Variants in NLRP14 observed in about 807,000 individuals in gnomAD.
NLRP14 encodes NACHT, LRR and PYD domains-containing protein 14.
In NLRP14, 105 loss-of-function variants were observed where a neutral mutation model predicts 94.7. That is an observed-to-expected ratio of 1.11 (90% CI 0.95 to 1.30). The LOEUF (loss-of-function observed/expected upper bound fraction) is 1.30, where lower values mean the gene tolerates loss of function less well. Ranked by LOEUF, NLRP14 falls within the 50% of genes most tolerant of loss-of-function variation. The pLI is 0.00. For synonymous variants in NLRP14, 508 were observed against 459.9 expected, an observed-to-expected ratio of 1.10 and a Z score of -1.34; for missense variants, 1,362 against 1,254.1, an observed-to-expected ratio of 1.09 and a Z score of -1.30.
chr11:7,039,574 G>A lies in NLRP14; in HGVS notation c.290-140G>A, dbSNP rs1482846756. The stretch of plus-strand genomic sequence containing the variant: ...CTCAGCTAAGCTTATGGAGTCTGAG[G>A]CTCTGGCAGCTCTAGTTTTCTTAAA... On this transcript the variant is annotated intron_variant, in intron 2 of 11. Coordinates refer to ENST00000299481, the MANE Select transcript of NLRP14 (RefSeq NM_176822.4). 7.6e-5 allele frequency: 58 copies of A among 762,702 alleles called. 1 individual carries two copies. Among genetic ancestry groups the A allele is most frequent in the Non-Finnish European group, 1.1e-4 (44 of 418,956 alleles). 47.2% of individuals were successfully genotyped at this position (762,702 alleles called of 1,614,324 possible).
At chr11:7,082,693 C>G in the NLRP14 span, among the ~76,000 whole-genome samples, 1 of 152,172 alleles carries the variant, frequency 6.6e-6, no homozygotes. Context: ...TCCATTTATA[C>G]AAATTTTTCC....
At chr11:7,076,377 A>AT (rs1299564124), downstream of NLRP14, among the ~76,000 whole-genome samples, 16 of 151,986 alleles carry the variant, frequency 1.1e-4, no homozygotes, top group African/African-American at 3.4e-4. Flanking sequence ...TTTCTTTTTA[A>AT]TTTTTTTGTG....
chr11:7,043,755 C>T lies in NLRP14; in HGVS notation c.1729C>T (p.Leu577=), dbSNP rs376252371. ...AAACAGTGACTATTCTCCATCACAG[C>T]TGGGATTTCTGGAGTTGTTTCACTG... ...LGNSDYSPSQ[L]GFLELFHCLY... is the part of the protein sequence containing the mutation. The change falls in exon 4 of 12, where the codon CTG becomes TTG. Residue 577 remains leucine (L), a synonymous_variant. Coordinates refer to ENST00000299481, the MANE Select transcript of NLRP14 (RefSeq NM_176822.4). 1 of 1,614,080 alleles carries T rather than the reference C, an allele frequency of 6.2e-7. No individual in the cohort carries two copies. The highest frequency in any genetic ancestry group is 8.5e-7 in the Non-Finnish European group (1 of 1,179,964).
chr11:7,038,931 G>A (rs1682694772), intron 2 of NLRP14, 56 bp downstream of exon 2: 1 of 1,542,618 alleles, frequency 6.5e-7, no homozygotes, highest in Admixed American at 1.8e-5. Flanking sequence ...GTTTCCTGGA[G>A]CCCAGTGGAA....
rs1270615249 is a variant in NLRP14, at chr11:7,042,929, A to C, written c.903A>C (p.Ala301=). 1 of 1,614,066 alleles carries C rather than the reference A, an allele frequency of 6.2e-7. No homozygotes were observed. The highest frequency in any genetic ancestry group is 8.5e-7 in the Non-Finnish European group (1 of 1,180,022). ...TGAGGAAAGTGATGCTCCCTGAGGC[A>C]TCCTTATTGGTGACAACAAGACTCA... is the stretch of plus-strand genomic sequence containing the variant. The part of the protein sequence containing the change: ...SLLRKVMLPE[A]SLLVTTRLTT... The change falls in exon 4 of 12, where the codon GCA becomes GCC. Residue 301 remains alanine (A), a synonymous_variant. Transcript: ENST00000299481.
chr11:7,046,679 G>T lies in NLRP14; in HGVS notation c.1970G>T (p.Arg657Leu). 2 of 1,613,100 alleles carry T rather than the reference G, an allele frequency of 1.2e-6. No homozygotes were observed. The highest frequency in any genetic ancestry group is 1.7e-6 in the Non-Finnish European group (2 of 1,179,128). ...SLPTNTWDGD[R>L]ITHCWQDLCS... ...TTATTTATGCAAAGGGATGGTGATC[G>T]CATTACTCACTGTTGGCAAGATCTC... is the stretch of plus-strand genomic sequence containing the variant. Residue 657 changes from arginine (R) to leucine (L), a missense_variant, in exon 5 of 12, where the codon CGC becomes CTC. Physicochemically the swap from Arg to Leu is moderately radical, Grantham distance 102. Transcript: ENST00000299481.
At chr11:7,053,835 T>G (rs1251709134) in intron 6 of NLRP14, among the ~76,000 whole-genome samples, 1 of 152,126 alleles carries the variant, frequency 6.6e-6, no homozygotes, top group Admixed American at 6.6e-5. Context: ...TATTTTAAAA[T>G]GTACAATTAT....
chr11:7,080,328 T>C, the NLRP14 span, among the ~76,000 whole-genome samples: 1 of 152,216 alleles, frequency 6.6e-6, no homozygotes, highest in Non-Finnish European at 1.5e-5. Flanking sequence ...GAAAATGATA[T>C]ACTATCTATC....
At chr11:7,090,314 G>A in the NLRP14 span, 3 of 1,577,146 alleles carry the variant, frequency 1.9e-6, no homozygotes, top group African/African-American at 2.7e-5. Context: ...GAACAGACTT[G>A]GGACCAAAAA....
At chr11:7,033,088 A>T (rs768314307) in intron 1 of NLRP14, among the ~76,000 whole-genome samples, 2 of 152,150 alleles carry the variant, frequency 1.3e-5, no homozygotes, top group Non-Finnish European at 2.9e-5. Context: ...TATAGCTTCA[A>T]TCATATGTTT....
rs540751001 is a variant in NLRP14, at chr11:7,060,304, A to T, written c.2804+240A>T. Among the ~76,000 whole-genome samples, 3 of 152,126 alleles carry T rather than the reference A, an allele frequency of 2.0e-5. No homozygotes were observed. In the East Asian group the frequency reaches 5.8e-4, roughly 29 times the overall value. On this transcript the variant is annotated intron_variant, in intron 9 of 11. Transcript: ENST00000299481. ...GAGGACCAGAGGCATCAGGCTGAAC[A>T]GTGGCCATTTTATTCTTTCCTTGGT... is the stretch of plus-strand genomic sequence containing the variant.
At chr11:7,030,788 C>G (rs1050652209) in intron 1 of NLRP14, among the ~76,000 whole-genome samples, 1 of 152,148 alleles carries the variant, frequency 6.6e-6, no homozygotes. Context: ...GTCAGCCAGT[C>G]TGGGAAAGGT....
In NLRP14 at chr11:7,043,622, G is replaced by C; in HGVS notation, c.1596G>C (p.Leu532Phe). The C allele has an allele frequency of 6.2e-7, 1 of 1,614,112 alleles. No individual in the cohort carries two copies. The highest frequency in any genetic ancestry group is 1.1e-5 in the South Asian group (1 of 91,082). Residue 532 changes from leucine to phenylalanine, a missense_variant, in exon 4 of 12, where the codon TTG becomes TTC. Leu to Phe is a conservative substitution (Grantham distance 22, BLOSUM62 0). Coordinates refer to ENST00000299481, the MANE Select transcript of NLRP14 (RefSeq NM_176822.4). ...ATTTGACACAGATGAAGTGCTTTTT[G>C]TTTGGCCTTTTGAATGAAGATCGAG... ...DPHLTQMKCF[L>F]FGLLNEDRVK...
At chr11:7,082,988 C>T in the NLRP14 span, among the ~76,000 whole-genome samples, 1 of 152,222 alleles carries the variant, frequency 6.6e-6, no homozygotes, top group African/African-American at 2.4e-5. Context: ...TCATCACTGC[C>T]TTCAGCACTT....
In NLRP14 at chr11:7,042,436, C is replaced by T. The variant is rs1228465641; in HGVS notation, c.410C>T (p.Thr137Ile). The T allele has an allele frequency of 6.2e-7, 1 of 1,613,928 alleles. No homozygotes were observed. The highest frequency in any genetic ancestry group is 8.5e-7 in the Non-Finnish European group (1 of 1,179,788). The part of the protein sequence containing the change: ...RNRIKEKFCI[T>I]WDKKSLAGKP... ...AGAATAAAGGAAAAATTTTGCATCA[C>T]TTGGGACAAGAAGTCTTTGGCTGGA... The change falls in exon 4 of 12, where the codon ACT (threonine) becomes ATT (isoleucine). Residue 137 changes from threonine to isoleucine, a missense_variant. Coordinates refer to ENST00000299481, the MANE Select transcript of NLRP14 (RefSeq NM_176822.4).
At chr11:7,046,959 A>G (rs915714590) in intron 5 of NLRP14, 127 bp downstream of exon 5, 6 of 777,500 alleles carry the variant, frequency 7.7e-6, no homozygotes, top group Non-Finnish European at 1.1e-5. Flanking sequence ...TAAAATAAAC[A>G]GGAACAATGG....
At chr11:7,040,610 A>G (rs1852233747) in intron 3 of NLRP14, among the ~76,000 whole-genome samples, 1 of 152,170 alleles carries the variant, frequency 6.6e-6, no homozygotes, top group African/African-American at 2.4e-5. Flanking sequence ...TTTGAATTCT[A>G]CATAATTTAA....
At chr11:7,056,316 A>G (rs1216034058) in intron 6 of NLRP14, among the ~76,000 whole-genome samples, 2 of 151,944 alleles carry the variant, frequency 1.3e-5, no homozygotes, top group African/African-American at 4.8e-5. Context: ...GCATAGCAAT[A>G]ATTTCTAAAG....
At position 7,056,814 on chromosome 11, in the gene NLRP14, T is replaced by C. The variant is rs140781163; in HGVS notation, c.2292-863T>C. Among the ~76,000 whole-genome samples, 934 of 152,114 alleles carry C rather than the reference T, an allele frequency of 6.1e-3. 6 individuals carry two copies. Among genetic ancestry groups the C allele is most frequent in the African/African-American group, 0.022 (905 of 41,528 alleles). On this transcript the variant is annotated intron_variant, in intron 6 of 11. Coordinates refer to ENST00000299481, the MANE Select transcript of NLRP14 (RefSeq NM_176822.4). Reference sequence around the variant, plus strand: ...TTTAACTTAAGGTGATTATTAGTTATGGGTTAGTGCAAAAGTAATTGTGGT... The same window carrying C: ...TTTAACTTAAGGTGATTATTAGTTACGGGTTAGTGCAAAAGTAATTGTGGT...
Sources: gnomAD v4.1 joint callset for allele counts (sites outside exome capture counted in the v4.1 genomes callset) on GRCh38, gnomAD v4.1.1 for gene constraint, MANE v1.5 for transcripts, NCBI Gene and HGNC (gene_info 2026-07-23, HGNC 2026-07-21) for gene names.